Variants in HGSNAT observed in about 807,000 individuals in gnomAD.
HGSNAT encodes the protein transmembrane protein 76.
Under a neutral mutation model 85.2 loss-of-function variants are expected in HGSNAT, and 59 were observed. That is an observed-to-expected ratio of 0.69 (90% CI 0.56 to 0.86). The LOEUF is 0.86. HGSNAT is among the 40% of genes least tolerant of loss of function. HGSNAT has a pLI of 0.00. For missense variants in HGSNAT, 756 were observed against 777.1 expected, an observed-to-expected ratio of 0.97 and a Z score of 0.32; for synonymous variants, 321 against 304.5, an observed-to-expected ratio of 1.05 and a Z score of -0.56.
chr8:43,172,292 T>A lies in HGSNAT; in HGVS notation c.744-18T>A. The A allele has an allele frequency of 6.3e-7, 1 of 1,589,510 alleles. No homozygotes were observed. Among genetic ancestry groups the A allele is most frequent in the Admixed American group, 1.7e-5 (1 of 59,970 alleles). On this transcript the variant is annotated intron_variant, in intron 7 of 17. Transcript: ENST00000379644. ...CATAGCAAACCCTGAAAGGCTTCTC[T>A]TTGTTGGCTTCTTCTAGGATTGCTC... is the stretch of plus-strand genomic sequence containing the variant.
Position 43,199,649 on chromosome 8 carries a change from C to A in HGSNAT, c.*80C>A. 1 of 1,110,774 alleles carries A rather than the reference C, an allele frequency of 9.0e-7. No individual in the cohort carries two copies. 68.8% of individuals were successfully genotyped at this position (1,110,774 alleles called of 1,614,324 possible). A position where few individuals can be genotyped will look rare whatever the true frequency, so the allele number is the denominator to read the frequency against. On this transcript the variant is annotated 3_prime_UTR_variant, in exon 18 of 18. Coordinates refer to ENST00000379644, the MANE Select transcript of HGSNAT (RefSeq NM_152419.3). Reference sequence around the variant, plus strand: ...TGAAGCAGCCTTTGTTAAAGGGAAGCATTCATTAGGAAATTGACTGGCTGC... The same window carrying A: ...TGAAGCAGCCTTTGTTAAAGGGAAGAATTCATTAGGAAATTGACTGGCTGC...
chr8:43,170,697 A>G lies in HGSNAT; in HGVS notation c.743+3A>G, dbSNP rs762316813. 1.3e-6 allele frequency: 2 copies of G among 1,585,462 alleles called. No individual in the cohort carries two copies. The highest frequency in any genetic ancestry group is 1.1e-5 in the South Asian group (1 of 87,762). On this transcript the variant is annotated splice_donor_region_variant and intron_variant, in intron 7 of 17. Transcript: ENST00000379644. ...CGCAGCGTGGACACCTTCAGGGGGTATGTGGGCCTCCCTGTAGCACAGTGG... is the reference window on the plus strand; with the variant it reads ...CGCAGCGTGGACACCTTCAGGGGGTGTGTGGGCCTCCCTGTAGCACAGTGG...
rs529602623 is a variant in HGSNAT at position 43,164,923 on chromosome 8, G to A, written c.563+3416G>A. ...AGAGAGGCCCAAAGAGAGGGAGGGA[G>A]ATGGAGGAACAGTCAGAACATACTC... On this transcript the variant is annotated intron_variant, in intron 5 of 17. Transcript: ENST00000379644. 3.9e-5 allele frequency among the ~76,000 whole-genome samples: 6 copies of A among 152,108 alleles called. 1 individual carries two copies. In the South Asian group the frequency reaches 1.2e-3, roughly 32 times the overall value.
At chr8:43,193,707 G>A (rs566889270) in intron 13 of HGSNAT, 50 bp from the exon 14 acceptor site, 4 of 1,211,324 alleles carry the variant, frequency 3.3e-6, no homozygotes, top group African/African-American at 3.0e-5. Flanking sequence ...CTGTTTGTAC[G>A]TGTTTTCAGA....
At chr8:43,159,736 G>A (rs961917280) in intron 4 of HGSNAT, among the ~76,000 whole-genome samples, 12 of 152,340 alleles carry the variant, frequency 7.9e-5, no homozygotes, top group Middle Eastern at 3.4e-3. Context: ...AGGAGTGAGC[G>A]TATAGTATTT....
At chr8:43,159,851 A>T (rs1803216488) in intron 4 of HGSNAT, among the ~76,000 whole-genome samples, 1 of 152,158 alleles carries the variant, frequency 6.6e-6, no homozygotes, top group Non-Finnish European at 1.5e-5. Flanking sequence ...GGAACTCCCT[A>T]TTAGGTAACA....
intron 10 of HGSNAT, among the ~76,000 whole-genome samples, chr8:43,181,014 G>T (rs1223980991): frequency 6.4e-5 from 7 of 109,988 alleles, no homozygotes; most frequent in East Asian, 2.9e-4. Flanking sequence ...AATCAGGCAG[G>T]GAGGTTGCAG....
chr8:43,141,492 G>C (rs931860852), intron 1 of HGSNAT, among the ~76,000 whole-genome samples: 1 of 152,134 alleles, frequency 6.6e-6, no homozygotes, highest in Non-Finnish European at 1.5e-5. Context: ...CCCCTGCACC[G>C]GGGAGCCCCA....
rs1408350238 is a variant in HGSNAT at position 43,158,895 on chromosome 8, T to A, written c.372-28T>A. 3 of 1,591,064 alleles carry A rather than the reference T, an allele frequency of 1.9e-6. No individual in the cohort carries two copies. In the African/African-American group the frequency reaches 4.0e-5, roughly 21 times the overall value. ...ACTTCTTATTTTCTAATCTAACCACTTGTCTTAATTTTACCTAATGTTTGT... is the reference window on the plus strand; with the variant it reads ...ACTTCTTATTTTCTAATCTAACCACATGTCTTAATTTTACCTAATGTTTGT... On this transcript the variant is annotated intron_variant, in intron 3 of 17. Coordinates refer to ENST00000379644, the MANE Select transcript of HGSNAT (RefSeq NM_152419.3).
intron 5 of HGSNAT, among the ~76,000 whole-genome samples, chr8:43,167,549 G>T (rs1803470967): frequency 6.6e-6 from 1 of 152,080 alleles, no homozygotes; most frequent in Non-Finnish European, 1.5e-5. Context: ...GTGCATAATG[G>T]TATTGCACAC....
chr8:43,148,715 G>T (rs1285287965), intron 2 of HGSNAT, among the ~76,000 whole-genome samples: 2 of 150,880 alleles, frequency 1.3e-5, no homozygotes, highest in Non-Finnish European at 3.0e-5. Flanking sequence ...GCTTGAACCT[G>T]GGTGGAGGCG....
In HGSNAT at chr8:43,170,642, T is replaced by C. The variant is rs980989948; in HGVS notation, c.691T>C (p.Trp231Arg). The C allele has an allele frequency of 7.5e-6, 12 of 1,610,074 alleles. No individual in the cohort carries two copies. The Admixed American group carries it at 1.5e-4, about 20-fold the overall frequency. The change falls in exon 7 of 18, where the codon TGG (tryptophan) becomes CGG (arginine). Residue 231 changes from tryptophan to arginine, a missense_variant. Coordinates refer to ENST00000379644, the MANE Select transcript of HGSNAT (RefSeq NM_152419.3). Reference sequence around the variant, plus strand: ...CGATGGTGATGTTCAGCCAGCAACGTGGCGTCTATCTGCCCTGCCGCCCCG... The same window carrying C: ...CGATGGTGATGTTCAGCCAGCAACGCGGCGTCTATCTGCCCTGCCGCCCCG... ...PLDGDVQPATWRLSALPPRLR... is the reference protein window; with the variant it reads ...PLDGDVQPATRRLSALPPRLR...
intron 1 of HGSNAT, among the ~76,000 whole-genome samples, chr8:43,141,944 CG>C: frequency 6.6e-6 from 1 of 152,286 alleles, no homozygotes. Flanking sequence ...AGTAATCACA[CG>C]TAGTGAGGGG....
At chr8:43,140,641 C>A in intron 1 of HGSNAT, 27 bp downstream of exon 1, 1 of 1,120,670 alleles carries the variant, frequency 8.9e-7, no homozygotes, top group South Asian at 2.5e-5. Flanking sequence ...TACCGCCGCC[C>A]GGCCGGCTAC....
chr8:43,189,464 G>A (rs547820194), intron 11 of HGSNAT, among the ~76,000 whole-genome samples: 6 of 152,292 alleles, frequency 3.9e-5, no homozygotes, highest in African/African-American at 7.2e-5. Context: ...CTGGTGTGCC[G>A]TTTGTTAAGA....
In HGSNAT at chr8:43,199,736, C is replaced by T. The variant is rs907807677; in HGVS notation, c.*167C>T. ...CAAACTGGTTAACTGTGACACGGCT[C>T]GCCAGAACTCTGCCTGTCTATTTGT... On this transcript the variant is annotated 3_prime_UTR_variant, in exon 18 of 18. Coordinates refer to ENST00000379644, the MANE Select transcript of HGSNAT (RefSeq NM_152419.3). The T allele has an allele frequency of 3.3e-5, 14 of 425,546 alleles. No individual in the cohort carries two copies. Among genetic ancestry groups the T allele is most frequent in the African/African-American group, 2.0e-5 (1 of 49,254 alleles). The allele number at this position is 425,546 out of a possible 1,614,324, so 26.4% of individuals were successfully genotyped here.
Position 43,181,825 on chromosome 8 carries a change from G to C in HGSNAT, c.1013-320G>C, listed in dbSNP as rs75686719. ...TCCTAATAGGAAAGAGCCAGGGTCA[G>C]GCACAGGCCTGGCTTTATCCCCACA... is the stretch of plus-strand genomic sequence containing the variant. On this transcript the variant is annotated intron_variant, in intron 10 of 17. Transcript: ENST00000379644. The C allele has an allele frequency of 1.3e-5, 4 of 309,628 alleles. No homozygotes were observed. In the South Asian group the frequency reaches 2.5e-4, roughly 19 times the overall value. 19.2% of individuals were successfully genotyped at this position (309,628 alleles called of 1,614,324 possible).
chr8:43,158,755 C>T (rs745306173), intron 3 of HGSNAT, 44 bp downstream of exon 3: 15 of 1,549,018 alleles, frequency 9.7e-6, no homozygotes, highest in Non-Finnish European at 1.2e-5. Context: ...TCTGCATTTT[C>T]TCTTTTTCTA....
At position 43,172,329 on chromosome 8, in the gene HGSNAT, G is replaced by C; in HGVS notation, c.763G>C (p.Val255Leu). Residue 255 changes from valine to leucine, a missense_variant, in exon 8 of 18, where the codon GTC becomes CTC. Val to Leu is a conservative substitution (Grantham distance 32). Coordinates refer to ENST00000379644, the MANE Select transcript of HGSNAT (RefSeq NM_152419.3). Reference sequence around the variant, plus strand: ...TTCTAGGATTGCTCTTATACTCATGGTCTTTGTCAATTATGGAGGAGGAAA... The same window carrying C: ...TTCTAGGATTGCTCTTATACTCATGCTCTTTGTCAATTATGGAGGAGGAAA... ...TFRGIALILM[V>L]FVNYGGGKYW... 6.2e-7 allele frequency: 1 copy of C among 1,611,926 alleles called. No homozygotes were observed. The highest frequency in any genetic ancestry group is 8.5e-7 in the Non-Finnish European group (1 of 1,177,992).
Sources: gnomAD v4.1 joint callset for allele counts (sites outside exome capture counted in the v4.1 genomes callset) on GRCh38, gnomAD v4.1.1 for gene constraint, MANE v1.5 for transcripts, NCBI Gene and HGNC (gene_info 2026-07-23, HGNC 2026-07-21) for gene names.